The following IKZF2 variants were observed in gnomAD, a reference collection of about 807,000 sequenced individuals.
The protein encoded by IKZF2 is IKAROS family zinc finger 2.
In IKZF2, 15 loss-of-function variants were observed where a neutral mutation model predicts 49.2. That is an observed-to-expected ratio of 0.30 (90% CI 0.20 to 0.47). The LOEUF is 0.47. Ranked by LOEUF, IKZF2 falls within the 20% of genes least tolerant of loss-of-function variation. The pLI, the probability that IKZF2 is intolerant of heterozygous loss-of-function variation, is 1.00. For missense variants in IKZF2, 567 were observed against 664.6 expected (o/e 0.85, Z 1.61); for synonymous variants, 227 against 221.4 (o/e 1.03, Z -0.23).
intron 6 of IKZF2, among the ~76,000 whole-genome samples, chr2:213,047,150 T>C (rs970374314): frequency 6.6e-6 from 1 of 152,166 alleles, no homozygotes; most frequent in African/African-American, 2.4e-5. Flanking sequence ...CCCTCAAATA[T>C]GGATTTAACA....
At position 213,007,335 on chromosome 2, in the gene IKZF2, G is replaced by GGAC; in HGVS notation, c.*24_*25insGTC. The GGAC allele has an allele frequency of 1.2e-6, 2 of 1,604,472 alleles. No individual in the cohort carries two copies. Among genetic ancestry groups the GGAC allele is most frequent in the South Asian group, 2.2e-5 (2 of 89,598 alleles). ...TTCATGTGCAGTTCTTTACTTCATA[G>GGAC]GGGTCCCCTTTGGAATGAAAAGGCC... On this transcript the variant is annotated 3_prime_UTR_variant, in exon 9 of 9. Transcript: ENST00000434687.
At chr2:213,101,014 T>G (rs571978643) in intron 4 of IKZF2, among the ~76,000 whole-genome samples, 1 of 151,576 alleles carries the variant, frequency 6.6e-6, no homozygotes, top group East Asian at 1.9e-4. Flanking sequence ...TGGGCTGCCA[T>G]GGTAGAAAGA....
At chr2:213,065,161 T>C (rs931339047) in intron 4 of IKZF2, among the ~76,000 whole-genome samples, 7 of 152,104 alleles carry the variant, frequency 4.6e-5, no homozygotes, top group Non-Finnish European at 8.8e-5. Context: ...GCTTTTATTT[T>C]CTGGGATACT....
intron 4 of IKZF2, among the ~76,000 whole-genome samples, chr2:213,132,657 A>G (rs574091921): frequency 4.6e-5 from 7 of 152,330 alleles, no homozygotes; most frequent in African/African-American, 1.4e-4. Context: ...ATCTAGTTAT[A>G]CAAGTAAATA....
chr2:213,144,657 T>C (rs2060982617), intron 4 of IKZF2, among the ~76,000 whole-genome samples: 1 of 151,978 alleles, frequency 6.6e-6, no homozygotes, highest in Non-Finnish European at 1.5e-5. Flanking sequence ...CCAATAGCCA[T>C]CAAGGCATAT....
chr2:213,135,512 T>C (rs180981367), intron 4 of IKZF2, among the ~76,000 whole-genome samples: 98 of 151,806 alleles, frequency 6.5e-4, no homozygotes, highest in Middle Eastern at 3.4e-3. Context: ...CACAGTAAGA[T>C]AGTGAGACCC....
At chr2:213,136,395 AAAGAAAAAG>A (rs1485851281) in intron 4 of IKZF2, among the ~76,000 whole-genome samples, 1 of 112,620 alleles carries the variant, frequency 8.9e-6, no homozygotes, top group Non-Finnish European at 2.0e-5. Flanking sequence ...AAAAAAAGAA[AAAGAAAAAG>A]AAAAGAAAAA....
intron 4 of IKZF2, among the ~76,000 whole-genome samples, chr2:213,085,232 T>G: frequency 6.6e-6 from 1 of 152,352 alleles, no homozygotes; most frequent in South Asian, 2.1e-4. Context: ...GTGAGCTCCT[T>G]CTTTTATTAA....
At chr2:213,042,980 G>T (rs908326695) in intron 6 of IKZF2, among the ~76,000 whole-genome samples, 1 of 151,824 alleles carries the variant, frequency 6.6e-6, no homozygotes, top group Non-Finnish European at 1.5e-5. Flanking sequence ...TAGATAAAAA[G>T]GTTTTTTATT....
intron 4 of IKZF2, among the ~76,000 whole-genome samples, chr2:213,129,232 C>A (rs117700396): frequency 0.015 from 2,234 of 150,892 alleles, 27 homozygotes; most frequent in South Asian, 0.057. Flanking sequence ...GAGATAAATA[C>A]ACAAATTAAG....
At position 213,147,677 on chromosome 2, in the gene IKZF2, C is replaced by T. The variant is rs1327997415; in HGVS notation, c.139+31G>A. On this transcript the variant is annotated intron_variant, in intron 4 of 8. Transcript: ENST00000434687. ...GTCTGTTGCTGGAGAGACACACACA[C>T]ACAAAAAAAAATCATAAAATGAAGA... The T allele has an allele frequency of 2.0e-6, 3 of 1,528,296 alleles. No homozygotes were observed. The Admixed American group carries it at 5.0e-5, about 26-fold the overall frequency. 94.7% of individuals were successfully genotyped at this position (1,528,296 alleles called of 1,614,324 possible).
chr2:213,068,635 T>G (rs1702378538), intron 4 of IKZF2, among the ~76,000 whole-genome samples: 1 of 152,072 alleles, frequency 6.6e-6, no homozygotes, highest in African/African-American at 2.4e-5. Context: ...GGGGTAAAGA[T>G]CTACCTTTTA....
intron 4 of IKZF2, among the ~76,000 whole-genome samples, chr2:213,083,551 C>CA (rs1704218095): frequency 1.1e-5 from 1 of 93,956 alleles, no homozygotes; most frequent in Non-Finnish European, 2.0e-5. Flanking sequence ...ACCAGGCTAA[C>CA]TTTTTTTTTT....
chr2:213,101,804 T>C (rs982732330), intron 4 of IKZF2, among the ~76,000 whole-genome samples: 12 of 152,124 alleles, frequency 7.9e-5, no homozygotes, highest in Non-Finnish European at 1.3e-4. Flanking sequence ...ATAGTAGCTG[T>C]GGCAATCAAA....
chr2:213,064,177 G>A (rs559847106), intron 4 of IKZF2, among the ~76,000 whole-genome samples: 7 of 151,536 alleles, frequency 4.6e-5, no homozygotes, highest in African/African-American at 9.7e-5. Flanking sequence ...ATGAATTATC[G>A]GTGGTAGGTT....
intron 4 of IKZF2, among the ~76,000 whole-genome samples, chr2:213,109,407 G>A (rs2059632234): frequency 6.6e-6 from 1 of 152,024 alleles, no homozygotes. Context: ...AATAATAGAT[G>A]CTTGCATTGA....
intron 6 of IKZF2, among the ~76,000 whole-genome samples, chr2:213,040,916 A>G (rs1333591141): frequency 1.3e-5 from 2 of 152,082 alleles, no homozygotes; most frequent in Non-Finnish European, 2.9e-5. Flanking sequence ...TCAGGAGTTC[A>G]AGACCAGCCT....
chr2:213,149,618 T>A (rs1051068155), intron 2 of IKZF2, among the ~76,000 whole-genome samples: 4 of 152,078 alleles, frequency 2.6e-5, no homozygotes, highest in Admixed American at 6.6e-5. Context: ...GCAGCTAAAT[T>A]ATTCACAATG....
chr2:213,087,443 T>C (rs1408203864), intron 4 of IKZF2, among the ~76,000 whole-genome samples: 1 of 152,202 alleles, frequency 6.6e-6, no homozygotes, highest in African/African-American at 2.4e-5. Flanking sequence ...TTATTTACAT[T>C]AGTGTGTGTG....
Sources: gnomAD v4.1 joint callset for allele counts (sites outside exome capture counted in the v4.1 genomes callset) on GRCh38, gnomAD v4.1.1 for gene constraint, MANE v1.5 for transcripts, NCBI Gene and HGNC (gene_info 2026-07-23, HGNC 2026-07-21) for gene names.